The following CAMK1D variants were observed in gnomAD, a reference collection of about 807,000 sequenced individuals.
CAMK1D encodes the protein calcium/calmodulin dependent protein kinase ID.
Under a neutral mutation model 47.7 loss-of-function variants are expected in CAMK1D, and 9 were observed. That is an observed-to-expected ratio of 0.19 (90% CI 0.11 to 0.33). The LOEUF (loss-of-function observed/expected upper bound fraction) is 0.33. Among genes scored for constraint, CAMK1D ranks in the 10% least tolerant of loss-of-function variants. The pLI is 1.00. For synonymous variants in CAMK1D, 184 were observed against 184.9 expected, an observed-to-expected ratio of 0.99 and a Z score of 0.04; for missense variants, 291 against 488.7, an observed-to-expected ratio of 0.60 and a Z score of 3.81.
chr10:12,751,784 G>A (rs570874929), intron 3 of CAMK1D, among the ~76,000 whole-genome samples: 11 of 151,532 alleles, frequency 7.3e-5, no homozygotes, highest in South Asian at 2.1e-4. Flanking sequence ...TCAGCAGCCG[G>A]CACGCAGCAG....
intron 2 of CAMK1D, among the ~76,000 whole-genome samples, chr10:12,592,401 A>G (rs1464311589): frequency 6.6e-6 from 1 of 152,216 alleles, no homozygotes; most frequent in Non-Finnish European, 1.5e-5. Flanking sequence ...TTTTCTTTTA[A>G]ACATCAATAA....
rs371166751 is a variant in CAMK1D, at chr10:12,622,141, A to G, written c.225-44595A>G. Among the ~76,000 whole-genome samples the G allele has an allele frequency of 1.4e-4, 21 of 152,198 alleles. 2 individuals carry two copies. Among genetic ancestry groups the G allele is most frequent in the Admixed American group, 9.8e-4 (15 of 15,280 alleles). ...GGCGTCTTTGACTCCACCATGGTTG[A>G]CACCACCAGGCGTGGGGGTCCCCTT... is the stretch of plus-strand genomic sequence containing the variant. On this transcript the variant is annotated intron_variant, in intron 2 of 10. Transcript: ENST00000619168.
chr10:12,723,784 A>G (rs1183283133), intron 3 of CAMK1D, among the ~76,000 whole-genome samples: 1 of 151,830 alleles, frequency 6.6e-6, no homozygotes, highest in African/African-American at 2.4e-5. Flanking sequence ...TTATACTTTA[A>G]GTTCTAGGGT....
chr10:12,564,821 G>C (rs1837071436), intron 2 of CAMK1D, among the ~76,000 whole-genome samples: 1 of 152,164 alleles, frequency 6.6e-6, no homozygotes. Flanking sequence ...TTTGGTTCTT[G>C]TCAAAAGCTG....
chr10:12,683,297 A>G (rs751905087), intron 3 of CAMK1D, among the ~76,000 whole-genome samples: 20 of 151,928 alleles, frequency 1.3e-4, no homozygotes, highest in Non-Finnish European at 2.8e-4. Flanking sequence ...ATATTGGCCA[A>G]GCTGGTCTCA....
chr10:12,808,437 T>C (rs1832455465), intron 6 of CAMK1D, among the ~76,000 whole-genome samples: 1 of 152,126 alleles, frequency 6.6e-6, no homozygotes, highest in Admixed American at 6.5e-5. Flanking sequence ...CTGGCCTAGG[T>C]AGGCCTACGT....
chr10:12,631,820 A>G (rs1438870629), intron 2 of CAMK1D, among the ~76,000 whole-genome samples: 2 of 152,116 alleles, frequency 1.3e-5, no homozygotes, highest in South Asian at 2.1e-4. Flanking sequence ...CTCCAGGCAA[A>G]TAAAGTGATA....
chr10:12,646,136 G>C (rs2132498461), intron 2 of CAMK1D, among the ~76,000 whole-genome samples: 1 of 152,214 alleles, frequency 6.6e-6, no homozygotes, highest in Middle Eastern at 3.4e-3. Flanking sequence ...CTTGGTATAG[G>C]AGGTGATTTC....
At chr10:12,739,854 A>T (rs1835354434) in intron 3 of CAMK1D, among the ~76,000 whole-genome samples, 1 of 152,122 alleles carries the variant, frequency 6.6e-6, no homozygotes, top group African/African-American at 2.4e-5. Context: ...TCCTTCCTGT[A>T]ACCTGGTTGC....
At chr10:12,546,694 G>A (rs1448435917) in intron 1 of CAMK1D, among the ~76,000 whole-genome samples, 1 of 151,652 alleles carries the variant, frequency 6.6e-6, no homozygotes, top group African/African-American at 2.4e-5. Flanking sequence ...ATCATTCTCA[G>A]CAAACTATCG....
chr10:12,668,368 A>G (rs914143740), intron 3 of CAMK1D, among the ~76,000 whole-genome samples: 1 of 152,174 alleles, frequency 6.6e-6, no homozygotes, highest in Non-Finnish European at 1.5e-5. Context: ...ACTAATCCTC[A>G]ATCTAAAGCT....
chr10:12,835,291 C>A lies in CAMK1D; in HGVS notation c.*6404C>A, dbSNP rs1233389598. The stretch of plus-strand genomic sequence containing the variant: ...CCCGCATCTACTATTACCAGGCTTG[C>A]AATTGGTTCAATTTTCCCATAAAAA... On this transcript the variant is annotated 3_prime_UTR_variant, in exon 11 of 11. Transcript: ENST00000619168. The A allele has an allele frequency of 1.3e-5, 2 of 152,178 alleles. No individual in the cohort carries two copies. Among genetic ancestry groups the A allele is most frequent in the African/African-American group, 4.8e-5 (2 of 41,440 alleles). The allele number at this position is 152,178 out of a possible 1,614,324, so 9.4% of individuals were successfully genotyped here. A position where few individuals can be genotyped will look rare whatever the true frequency, so the allele number is the denominator to read the frequency against.
At chr10:12,739,399 C>T (rs111647495) in intron 3 of CAMK1D, among the ~76,000 whole-genome samples, 3,960 of 151,390 alleles carry the variant, frequency 0.026, 150 homozygotes, top group African/African-American at 0.08. Flanking sequence ...CCTCAGCCTC[C>T]GGAGTAGCTG....
intron 2 of CAMK1D, among the ~76,000 whole-genome samples, chr10:12,626,830 T>A (rs1408546351): frequency 6.6e-6 from 1 of 152,196 alleles, no homozygotes; most frequent in Non-Finnish European, 1.5e-5. Flanking sequence ...TTCATCTGTT[T>A]TAGAACATCA....
At chr10:12,413,686 GA>G in intron 1 of CAMK1D, among the ~76,000 whole-genome samples, 1 of 151,680 alleles carries the variant, frequency 6.6e-6, no homozygotes, top group East Asian at 1.9e-4. Context: ...TGTGGATATT[GA>G]ATCTCTGGAT....
intron 3 of CAMK1D, among the ~76,000 whole-genome samples, chr10:12,734,537 CATATGTATATATGTATATATATACACAT>C (rs1564524746): frequency 6.8e-6 from 1 of 146,610 alleles, no homozygotes; most frequent in African/African-American, 2.5e-5. Context: ...TATATACACA[CATATGTATATATGTATATATATACACAT>C]ATGTGTATAT....
chr10:12,807,370 C>G (rs887415410), intron 6 of CAMK1D, among the ~76,000 whole-genome samples: 6 of 152,182 alleles, frequency 3.9e-5, no homozygotes, highest in African/African-American at 9.7e-5. Context: ...CTCTCACAGC[C>G]TCACCACTGA....
intron 1 of CAMK1D, among the ~76,000 whole-genome samples, chr10:12,396,677 A>T (rs1838968072): frequency 6.6e-6 from 1 of 152,180 alleles, no homozygotes; most frequent in Non-Finnish European, 1.5e-5. Context: ...ATCTTCTTTG[A>T]GTTAAGATCA....
At chr10:12,459,862 G>A (rs1303952659) in intron 1 of CAMK1D, among the ~76,000 whole-genome samples, 2 of 152,158 alleles carry the variant, frequency 1.3e-5, no homozygotes, top group Non-Finnish European at 2.9e-5. Context: ...GTGGGGAAAG[G>A]CGGTGTTATT....
Sources: allele counts gnomAD v4.1 joint callset (sites outside exome capture counted in the v4.1 genomes callset), GRCh38; gene constraint gnomAD v4.1.1; transcripts MANE v1.5; gene names NCBI Gene and HGNC (gene_info 2026-07-23, HGNC 2026-07-21).